Variants in PTPRM observed in about 807,000 individuals in gnomAD.
PTPRM encodes protein tyrosine phosphatase receptor type M, also known as receptor-type tyrosine-protein phosphatase mu.
PTPRM carries 47 observed loss-of-function variants against 186.7 expected under a neutral mutation model. The ratio of observed to expected loss-of-function variants is 0.25; its 90% CI spans 0.20 to 0.32. The LOEUF (loss-of-function observed/expected upper bound fraction) is 0.32. Ranked by LOEUF, PTPRM falls within the 10% of genes least tolerant of loss-of-function variation. The pLI is 1.00. For missense variants in PTPRM, 1,494 were observed against 1,865.0 expected (o/e 0.80, Z 3.66); for synonymous variants, 668 against 674.9 (o/e 0.99, Z 0.16).
intron 2 of PTPRM, among the ~76,000 whole-genome samples, chr18:7,853,432 G>A (rs1372609210): frequency 1.3e-5 from 2 of 152,158 alleles, no homozygotes; most frequent in African/African-American, 2.4e-5. Flanking sequence ...TGGGTAGTAA[G>A]GCTGTTTGTT....
At chr18:7,775,195 T>C (rs949377738) in intron 2 of PTPRM, among the ~76,000 whole-genome samples, 1 of 152,236 alleles carries the variant, frequency 6.6e-6, no homozygotes, top group African/African-American at 2.4e-5. Context: ...ATGCTCACTG[T>C]GTTCCTGCCC....
chr18:7,648,140 T>C lies in PTPRM; in HGVS notation c.73+80249T>C, dbSNP rs531175755. On this transcript the variant is annotated intron_variant, in intron 1 of 32. Coordinates refer to ENST00000580170, the MANE Select transcript of PTPRM (RefSeq NM_001105244.2). ...ACTTTTTCATTAGTATTGTATCTGT[T>C]ACGGTGATCTGTGATTAGTGATCAT... is the stretch of plus-strand genomic sequence containing the variant. 9.7e-4 allele frequency among the ~76,000 whole-genome samples: 147 copies of C among 152,300 alleles called. 6 individuals are homozygous for C. The South Asian group carries it at 0.03, about 31-fold the overall frequency.
chr18:8,306,543 G>A (rs771474489), intron 20 of PTPRM, among the ~76,000 whole-genome samples: 2 of 152,230 alleles, frequency 1.3e-5, no homozygotes, highest in South Asian at 2.1e-4. Context: ...AGCAGGCTGT[G>A]TGCCCCAGAA....
intron 2 of PTPRM, among the ~76,000 whole-genome samples, chr18:7,813,958 A>C (rs1236897268): frequency 6.6e-6 from 1 of 152,222 alleles, no homozygotes; most frequent in Non-Finnish European, 1.5e-5. Context: ...ATCTATTTTC[A>C]GACCCCTTTT....
chr18:7,983,403 A>C (rs1385065334), intron 7 of PTPRM, among the ~76,000 whole-genome samples: 1 of 152,090 alleles, frequency 6.6e-6, no homozygotes, highest in African/African-American at 2.4e-5. Flanking sequence ...CCCTGGTGCC[A>C]AAAAGTTTGG....
At chr18:7,956,615 G>T (rs2053330031) in intron 7 of PTPRM, among the ~76,000 whole-genome samples, 1 of 152,204 alleles carries the variant, frequency 6.6e-6, no homozygotes, top group South Asian at 2.1e-4. Flanking sequence ...CCTTTGTGCA[G>T]GCAGTCTGGT....
intron 7 of PTPRM, among the ~76,000 whole-genome samples, chr18:7,961,999 T>C (rs1451894944): frequency 6.7e-5 from 9 of 134,758 alleles, no homozygotes; most frequent in Non-Finnish European, 1.2e-4. Context: ...AGCTATCATA[T>C]CTGCAGTATT....
At chr18:8,253,148 C>T (rs2094544156) in intron 18 of PTPRM, 79 bp from the exon 19 acceptor site, 4 of 1,196,634 alleles carry the variant, frequency 3.3e-6, no homozygotes, top group Admixed American at 8.0e-5. Context: ...ATGCCAGGAG[C>T]CAGCTTCTTA....
rs763435001 is a variant in PTPRM at position 7,888,326 on chromosome 18, A to G, written c.417A>G (p.Thr139=). The change falls in exon 3 of 33, where the codon ACA becomes ACG. Residue 139 remains threonine, a synonymous_variant. Transcript: ENST00000580170. ...ATATATCTGGAGACCCAACACGTAC[A>G]TGGAACAGGGCAGAACTGGCCATTA... The part of the protein sequence containing the change: ...IWNISGDPTR[T]WNRAELAIST... The G allele has an allele frequency of 7.4e-6, 12 of 1,614,230 alleles. No individual in the cohort carries two copies. The highest frequency in any genetic ancestry group is 2.7e-5 in the African/African-American group (2 of 75,074).
intron 31 of PTPRM, among the ~76,000 whole-genome samples, chr18:8,389,901 G>C (rs1254202094): frequency 6.6e-6 from 1 of 152,124 alleles, no homozygotes; most frequent in Non-Finnish European, 1.5e-5. Flanking sequence ...ATGGTTCCTT[G>C]AGCCACAGAT....
intron 19 of PTPRM, among the ~76,000 whole-genome samples, chr18:8,295,944 G>A (rs2095092562): frequency 6.6e-6 from 1 of 152,154 alleles, no homozygotes; most frequent in African/African-American, 2.4e-5. Flanking sequence ...TTTAACCAAA[G>A]ATAACCTTTC....
At chr18:8,218,396 C>T (rs1353571478) in intron 14 of PTPRM, among the ~76,000 whole-genome samples, 1 of 152,150 alleles carries the variant, frequency 6.6e-6, no homozygotes, top group Non-Finnish European at 1.5e-5. Flanking sequence ...TCCTGTTGTT[C>T]TAGGGCCTTT....
Position 7,567,822 on chromosome 18 carries a change from AG to A in PTPRM, c.8del (p.Gly3AspfsTer14). On this transcript the variant is annotated frameshift_variant, in exon 1 of 33. Transcript: ENST00000580170. LOFTEE classifies it high-confidence loss of function. The surrounding 1 kb of genome is among the most constrained non-coding windows in gnomAD (Gnocchi z 4.3). MRGLGTCLATLA... is the reference protein window; with the variant it reads MXGLGTCLATLA... ...GGCCCGGCCCGCACTCAGCACCATG[AG>A]GGGACTTGGGACTTGCCTGGCGACT... The A allele has an allele frequency of 6.4e-7, 1 of 1,553,460 alleles. No individual in the cohort carries two copies.
chr18:7,946,062 C>A (rs2052503492), intron 5 of PTPRM, among the ~76,000 whole-genome samples: 1 of 152,192 alleles, frequency 6.6e-6, no homozygotes, highest in Non-Finnish European at 1.5e-5. Flanking sequence ...TAGAGTCACG[C>A]AGGGCTCCTA....
At chr18:8,260,352 CAG>C (rs2094616989) in intron 19 of PTPRM, among the ~76,000 whole-genome samples, 2 of 151,988 alleles carry the variant, frequency 1.3e-5, no homozygotes, top group African/African-American at 2.4e-5. Context: ...TTTGTAGAGA[CAG>C]AGTCTCACTA....
At chr18:7,741,043 C>T (rs758474857) in intron 1 of PTPRM, among the ~76,000 whole-genome samples, 12 of 152,122 alleles carry the variant, frequency 7.9e-5, no homozygotes, top group Non-Finnish European at 1.3e-4. Flanking sequence ...TTCTTTCCCC[C>T]GTGGTGTGTG....
At chr18:7,790,753 C>T (rs1373622943) in intron 2 of PTPRM, among the ~76,000 whole-genome samples, 1 of 151,946 alleles carries the variant, frequency 6.6e-6, no homozygotes, top group African/African-American at 2.4e-5. Context: ...TACTAATCAC[C>T]TGGGAAAAAT....
intron 1 of PTPRM, among the ~76,000 whole-genome samples, chr18:7,712,284 A>G (rs2040229711): frequency 6.6e-6 from 1 of 152,180 alleles, no homozygotes. Flanking sequence ...TGTTAGAAAG[A>G]AAACTAACAA....
At chr18:7,963,017 G>A (rs888691867) in intron 7 of PTPRM, among the ~76,000 whole-genome samples, 1 of 152,210 alleles carries the variant, frequency 6.6e-6, no homozygotes, top group African/African-American at 2.4e-5. Flanking sequence ...AATTAAAAGT[G>A]TTCTAATTCT....
Sources: gnomAD v4.1 joint callset for allele counts (sites outside exome capture counted in the v4.1 genomes callset) on GRCh38, gnomAD v4.1.1 for gene constraint, Gnocchi (gnomAD v3.1) non-coding constraint, MANE v1.5 for transcripts, NCBI Gene and HGNC (gene_info 2026-07-23, HGNC 2026-07-21) for gene names.